The following SGCE variants were observed in gnomAD, a reference collection of about 807,000 sequenced individuals.
SGCE encodes the protein sarcoglycan epsilon, also known as epsilon-sarcoglycan.
SGCE carries 26 observed loss-of-function variants against 57.8 expected under a neutral mutation model. That is an observed-to-expected ratio of 0.45 (90% CI 0.33 to 0.62). The LOEUF is 0.62. Among genes scored for constraint, SGCE ranks in the 20% least tolerant of loss-of-function variants. The pLI, the probability that SGCE is intolerant of heterozygous loss-of-function variation, is 0.02. For synonymous variants in SGCE, 183 were observed against 189.5 expected (o/e 0.97, Z 0.28); for missense variants, 468 against 548.6 (o/e 0.85, Z 1.47).
intron 5 of SGCE, among the ~76,000 whole-genome samples, chr7:94,606,954 T>C (rs1800233942): frequency 6.6e-6 from 1 of 152,186 alleles, no homozygotes; most frequent in African/African-American, 2.4e-5. Flanking sequence ...GTTTACAATT[T>C]GGCAAAAGCA....
At chr7:94,653,706 G>GT in intron 1 of SGCE, among the ~76,000 whole-genome samples, 1 of 151,844 alleles carries the variant, frequency 6.6e-6, no homozygotes, top group Non-Finnish European at 1.5e-5. Context: ...TATTGATGCT[G>GT]TTTTTTCCCT....
rs753092622 is a variant in SGCE, at chr7:94,598,922, T to A, written c.1106A>T (p.Lys369Met). The A allele has an allele frequency of 6.2e-7, 1 of 1,613,980 alleles. No individual in the cohort carries two copies. The highest frequency in any genetic ancestry group is 1.1e-5 in the South Asian group (1 of 91,084). ...ATTCTTGGACATGTCTCGAAGCTCCTTGGTAGATTTCTGAATAGCACTGTG... is the reference window on the plus strand; with the variant it reads ...ATTCTTGGACATGTCTCGAAGCTCCATGGTAGATTTCTGAATAGCACTGTG... The part of the protein sequence containing the change: ...VHHSAIQKST[K>M]ELRDMSKNRE... The change falls in exon 9 of 11, where the codon AAG becomes ATG. Residue 369 changes from lysine (K) to methionine (M), a missense_variant. Lys to Met is a moderately conservative substitution (Grantham distance 95, BLOSUM62 -1). Coordinates refer to ENST00000648936, the MANE Select transcript of SGCE (RefSeq NM_003919.3).
At chr7:94,631,650 G>A (rs1297646662) in intron 1 of SGCE, among the ~76,000 whole-genome samples, 1 of 151,920 alleles carries the variant, frequency 6.6e-6, no homozygotes. Flanking sequence ...ATACTGTGGG[G>A]GCCTTTCGGG....
intron 1 of SGCE, among the ~76,000 whole-genome samples, chr7:94,639,699 C>G (rs1370871574): frequency 1.3e-5 from 2 of 152,100 alleles, no homozygotes; most frequent in Non-Finnish European, 2.9e-5. Flanking sequence ...TGTACATATA[C>G]ATATACATAC....
At chr7:94,650,108 T>A (rs1807673711) in intron 1 of SGCE, among the ~76,000 whole-genome samples, 1 of 152,196 alleles carries the variant, frequency 6.6e-6, no homozygotes, top group Non-Finnish European at 1.5e-5. Flanking sequence ...ACACTAAGAA[T>A]GTGCCCTTCA....
intron 9 of SGCE, chr7:94,597,093 C>T (rs553009752): frequency 6.6e-6 from 1 of 152,244 alleles, no homozygotes; most frequent in African/African-American, 2.4e-5. Flanking sequence ...AGGTGGGCTA[C>T]TGACCACCAG....
At chr7:94,595,779 A>C (rs1423871664) in intron 9 of SGCE, among the ~76,000 whole-genome samples, 4 of 152,138 alleles carry the variant, frequency 2.6e-5, no homozygotes, top group African/African-American at 9.6e-5. Context: ...ATTATCTGGC[A>C]TGGCTGGAAA....
At chr7:94,586,079 A>AC (rs1182353965) in intron 10 of SGCE, among the ~76,000 whole-genome samples, 3 of 150,356 alleles carry the variant, frequency 2.0e-5, no homozygotes, top group Admixed American at 6.6e-5. Context: ...AAAAAAAAAA[A>AC]AAAAAAAACA....
chr7:94,587,203 C>G, intron 10 of SGCE: 1 of 985,358 alleles, frequency 1.0e-6, no homozygotes, highest in Non-Finnish European at 1.2e-6. Flanking sequence ...TGGAAGTGCT[C>G]TGTATTACTA....
chr7:94,597,812 G>A (rs1278544385), intron 9 of SGCE: 2 of 152,328 alleles, frequency 1.3e-5, no homozygotes, highest in Non-Finnish European at 2.9e-5. Flanking sequence ...TTCAAGACCA[G>A]CCTGGCCAAC....
At chr7:94,614,224 A>G (rs951366323) in intron 5 of SGCE, among the ~76,000 whole-genome samples, 10 of 151,936 alleles carry the variant, frequency 6.6e-5, no homozygotes, top group African/African-American at 2.4e-4. Context: ...ATTCTAAAAG[A>G]ATTTTTTCAT....
At chr7:94,609,385 T>C (rs1443944869) in intron 5 of SGCE, among the ~76,000 whole-genome samples, 1 of 152,068 alleles carries the variant, frequency 6.6e-6, no homozygotes, top group African/African-American at 2.4e-5. Flanking sequence ...AAATTATCTG[T>C]GTAAGATGGC....
chr7:94,595,539 A>G (rs67682053), intron 9 of SGCE, among the ~76,000 whole-genome samples: 20,429 of 152,016 alleles, frequency 0.13, 1,536 homozygotes, highest in South Asian at 0.24. Flanking sequence ...TAAGTACAAG[A>G]CAGCATTATC....
intron 5 of SGCE, among the ~76,000 whole-genome samples, chr7:94,614,106 TCAAAAA>T (rs1463334817): frequency 1.3e-4 from 7 of 55,172 alleles, no homozygotes; most frequent in African/African-American, 6.1e-4. Context: ...CAAATTGAAA[TCAAAAA>T]AAAAAAAAAA....
chr7:94,633,522 T>C (rs888674375), intron 1 of SGCE, among the ~76,000 whole-genome samples: 5 of 152,108 alleles, frequency 3.3e-5, no homozygotes, highest in African/African-American at 4.8e-5. Context: ...GTTATCTGTA[T>C]GTTTCATTCA....
In SGCE at chr7:94,600,572, T is replaced by C. The variant is rs1024331960; in HGVS notation, c.1037+74A>G. The C allele has an allele frequency of 2.7e-6, 3 of 1,114,246 alleles. No homozygotes were observed. In the African/African-American group the frequency reaches 4.6e-5, roughly 17 times the overall value. The allele number at this position is 1,114,246 out of a possible 1,614,324, so 69.0% of individuals were successfully genotyped here. On this transcript the variant is annotated intron_variant, in intron 7 of 10. Coordinates refer to ENST00000648936, the MANE Select transcript of SGCE (RefSeq NM_003919.3). ...GTGTTTTATGAACCAAATGAAACTTTGCTTTTAATGGAATCTTCTATGTTG... is the reference window on the plus strand; with the variant it reads ...GTGTTTTATGAACCAAATGAAACTTCGCTTTTAATGGAATCTTCTATGTTG...
rs745484720 is a variant in SGCE at position 94,599,727 on chromosome 7, G to A, written c.1038-4C>T. 3 of 1,586,608 alleles carry A rather than the reference G, an allele frequency of 1.9e-6. No homozygotes were observed. Among genetic ancestry groups the A allele is most frequent in the Non-Finnish European group, 2.6e-6 (3 of 1,155,662 alleles). The stretch of plus-strand genomic sequence containing the variant: ...TGTTTGCATGTTTCTCTTTTCCCTA[G>A]AAACAAAACAAAATTTATGAATTAA... On this transcript the variant is annotated splice_region_variant and splice_polypyrimidine_tract_variant and intron_variant, in intron 7 of 10. Transcript: ENST00000648936.
At chr7:94,633,556 T>C (rs1805062224) in intron 1 of SGCE, among the ~76,000 whole-genome samples, 1 of 152,044 alleles carries the variant, frequency 6.6e-6, no homozygotes, top group African/African-American at 2.4e-5. Context: ...CTGCAGCCAT[T>C]TCAACAACTC....
chr7:94,612,597 A>G (rs1191373565), intron 5 of SGCE, among the ~76,000 whole-genome samples: 1 of 152,202 alleles, frequency 6.6e-6, no homozygotes, highest in Non-Finnish European at 1.5e-5. Flanking sequence ...AGTTATAAAT[A>G]ATATTACAAA....
Sources: allele counts gnomAD v4.1 joint callset (sites outside exome capture counted in the v4.1 genomes callset), GRCh38; gene constraint gnomAD v4.1.1; transcripts MANE v1.5; gene names NCBI Gene and HGNC (gene_info 2026-07-23, HGNC 2026-07-21).